BMPR2: variants seen among roughly 807,000 people sequenced by gnomAD.
The protein encoded by BMPR2 is bone morphogenetic protein receptor type 2, also known as bone morphogenetic protein receptor type-2.
Under a neutral mutation model 100.8 loss-of-function variants are expected in BMPR2, and 29 were observed. That is an observed-to-expected ratio of 0.29 (90% CI 0.21 to 0.39). BMPR2 has a LOEUF of 0.39. BMPR2 is among the 10% of genes least tolerant of loss of function. The pLI is 1.00. For missense variants in BMPR2, 1,011 were observed against 1,274.5 expected (o/e 0.79, Z 3.15); for synonymous variants, 382 against 442.3 (o/e 0.86, Z 1.71).
intron 10 of BMPR2, among the ~76,000 whole-genome samples, chr2:202,551,489 A>ACT (rs1291358529): frequency 1.3e-5 from 2 of 151,958 alleles, no homozygotes; most frequent in African/African-American, 4.8e-5. Context: ...GTGCCACTGT[A>ACT]CTCCAGCCTG....
At chr2:202,501,803 G>T (rs559257379) in intron 3 of BMPR2, among the ~76,000 whole-genome samples, 1 of 152,328 alleles carries the variant, frequency 6.6e-6, no homozygotes, top group African/African-American at 2.4e-5. Context: ...GCGCATATGC[G>T]TGGCCCTCAA....
chr2:202,384,882 C>T (rs1426540090), intron 1 of BMPR2, among the ~76,000 whole-genome samples: 2 of 152,002 alleles, frequency 1.3e-5, no homozygotes, highest in African/African-American at 4.8e-5. Flanking sequence ...CGTGAGCCAC[C>T]GCACCTGGCC....
chr2:202,537,540 A>G (rs111748911), intron 9 of BMPR2, among the ~76,000 whole-genome samples: 5 of 152,216 alleles, frequency 3.3e-5, no homozygotes, highest in African/African-American at 1.2e-4. Flanking sequence ...TTACTGTTTA[A>G]TGGGTACAGA....
intron 3 of BMPR2, among the ~76,000 whole-genome samples, chr2:202,482,842 A>G (rs1692688079): frequency 6.6e-6 from 1 of 151,848 alleles, no homozygotes; most frequent in African/African-American, 2.4e-5. Context: ...CCCGGCTGCT[A>G]CCTGGCTAAT....
chr2:202,536,224 CCA>C (rs947885861), intron 9 of BMPR2, among the ~76,000 whole-genome samples: 1 of 152,014 alleles, frequency 6.6e-6, no homozygotes, highest in African/African-American at 2.4e-5. Flanking sequence ...GGTGATTCTC[CCA>C]CCTCAGCCTC....
At chr2:202,555,016 A>G (rs1166011985) in intron 11 of BMPR2, among the ~76,000 whole-genome samples, 1 of 152,224 alleles carries the variant, frequency 6.6e-6, no homozygotes, top group Non-Finnish European at 1.5e-5. Flanking sequence ...ACATTTATAA[A>G]AATTATATCT....
At chr2:202,410,328 C>A (rs1690987974) in intron 1 of BMPR2, among the ~76,000 whole-genome samples, 1 of 152,148 alleles carries the variant, frequency 6.6e-6, no homozygotes, top group South Asian at 2.1e-4. Context: ...AATAAGAACC[C>A]TTGAGAAATG....
At chr2:202,512,211 C>T (rs563628595) in intron 3 of BMPR2, among the ~76,000 whole-genome samples, 4 of 152,064 alleles carry the variant, frequency 2.6e-5, no homozygotes, top group African/African-American at 2.4e-5. Context: ...AACTCTTTGC[C>T]GTAGAGGCAT....
intron 1 of BMPR2, among the ~76,000 whole-genome samples, chr2:202,424,882 A>G (rs1385474649): frequency 6.6e-6 from 1 of 152,162 alleles, no homozygotes; most frequent in Non-Finnish European, 1.5e-5. Flanking sequence ...AGAGCAAGAG[A>G]TAGATATGTT....
chr2:202,514,869 CT>C lies in BMPR2; in HGVS notation c.530-18del, dbSNP rs1559061532. ...TTTAAGAAAACCATATATTAGTAACCTGTTTCCTGTTCTTATAGGAGACCGT... is the reference window on the plus strand; with the variant it reads ...TTTAAGAAAACCATATATTAGTAACCGTTTCCTGTTCTTATAGGAGACCGT... On this transcript the variant is annotated intron_variant, in intron 4 of 12. Coordinates refer to ENST00000374580, the MANE Select transcript of BMPR2 (RefSeq NM_001204.7). 6.3e-7 allele frequency: 1 copy of C among 1,588,998 alleles called. No individual in the cohort carries two copies. Among genetic ancestry groups the C allele is most frequent in the South Asian group, 1.1e-5 (1 of 90,608 alleles).
chr2:202,536,147 C>T (rs922827483), intron 9 of BMPR2, among the ~76,000 whole-genome samples: 6 of 152,130 alleles, frequency 3.9e-5, no homozygotes, highest in African/African-American at 1.4e-4. Context: ...GAGCCTCACT[C>T]TGTCACCTAG....
At chr2:202,504,675 A>ATTTTT (rs1687483690) in intron 3 of BMPR2, among the ~76,000 whole-genome samples, 1 of 137,710 alleles carries the variant, frequency 7.3e-6, no homozygotes, top group African/African-American at 2.9e-5. Context: ...ATCATAGTAG[A>ATTTTT]TTCTTTTTTT....
chr2:202,551,490 C>T (rs1220474081), intron 10 of BMPR2, among the ~76,000 whole-genome samples: 5 of 152,084 alleles, frequency 3.3e-5, no homozygotes, highest in African/African-American at 1.2e-4. Context: ...TGCCACTGTA[C>T]TCCAGCCTGG....
At chr2:202,450,057 C>T (rs1191219848) in intron 1 of BMPR2, among the ~76,000 whole-genome samples, 2 of 152,160 alleles carry the variant, frequency 1.3e-5, no homozygotes, top group Non-Finnish European at 2.9e-5. Flanking sequence ...TTGCAGTGAG[C>T]CAAGATGGCA....
intron 1 of BMPR2, among the ~76,000 whole-genome samples, chr2:202,415,176 C>G (rs1186803781): frequency 6.6e-6 from 1 of 151,970 alleles, no homozygotes; most frequent in Non-Finnish European, 1.5e-5. Context: ...ACTTTTATAA[C>G]TGGAGAGAAA....
At chr2:202,517,839 G>T (rs1687742481) in intron 5 of BMPR2, among the ~76,000 whole-genome samples, 1 of 148,432 alleles carries the variant, frequency 6.7e-6, no homozygotes, top group Admixed American at 6.7e-5. Flanking sequence ...TTGAGACGGA[G>T]TCTCACTCGG....
At chr2:202,469,780 GC>G (rs1431684626) in intron 3 of BMPR2, among the ~76,000 whole-genome samples, 1 of 152,018 alleles carries the variant, frequency 6.6e-6, no homozygotes, top group Non-Finnish European at 1.5e-5. Flanking sequence ...ACCGCGCCCG[GC>G]CCCAATTGTA....
chr2:202,397,817 T>G (rs573043899), intron 1 of BMPR2, among the ~76,000 whole-genome samples: 3 of 150,800 alleles, frequency 2.0e-5, no homozygotes, highest in African/African-American at 7.3e-5. Context: ...CTTCCTTATA[T>G]TGTCATCTTT....
chr2:202,444,711 T>G (rs1330924534), intron 1 of BMPR2, among the ~76,000 whole-genome samples: 1 of 150,880 alleles, frequency 6.6e-6, no homozygotes, highest in Non-Finnish European at 1.5e-5. Flanking sequence ...AACTTAACTC[T>G]ACATTTGGAA....
Sources: gnomAD v4.1 joint callset for allele counts (sites outside exome capture counted in the v4.1 genomes callset) on GRCh38, gnomAD v4.1.1 for gene constraint, MANE v1.5 for transcripts, NCBI Gene and HGNC (gene_info 2026-07-23, HGNC 2026-07-21) for gene names.